The following LHFPL6 variants were observed in gnomAD, a reference collection of about 807,000 sequenced individuals.
LHFPL6 encodes the protein LHFPL tetraspan subfamily member 6.
Under a neutral mutation model 20.6 loss-of-function variants are expected in LHFPL6, and 9 were observed. The ratio of observed to expected loss-of-function variants is 0.44; its 90% CI spans 0.26 to 0.76. The LOEUF (loss-of-function observed/expected upper bound fraction) is 0.76. Among genes scored for constraint, LHFPL6 ranks in the 30% least tolerant of loss-of-function variants. The pLI, the probability that LHFPL6 is intolerant of heterozygous loss-of-function variation, is 0.20. For missense variants in LHFPL6, 218 were observed against 253.5 expected (o/e 0.86, Z 0.95); for synonymous variants, 105 against 98.7 (o/e 1.06, Z -0.38).
At position 39,427,346 on chromosome 13, in the gene LHFPL6, C is replaced by T. The variant is rs145769472; in HGVS notation, c.386-48820G>A. Among the ~76,000 whole-genome samples, 909 of 152,262 alleles carry T rather than the reference C, an allele frequency of 6.0e-3. 12 individuals are homozygous for T. Among genetic ancestry groups the T allele is most frequent in the African/African-American group, 0.021 (865 of 41,542 alleles). Reference sequence around the variant, plus strand: ...ATGAAAGATAGAGAGGACATCTGGCCTTGTTCCTGATCATTGGAGAAAACA... The same window carrying T: ...ATGAAAGATAGAGAGGACATCTGGCTTTGTTCCTGATCATTGGAGAAAACA... On this transcript the variant is annotated intron_variant, in intron 2 of 3. Coordinates refer to ENST00000379589, the MANE Select transcript of LHFPL6 (RefSeq NM_005780.3).
chr13:39,489,556 T>C (rs1209177178), intron 2 of LHFPL6, among the ~76,000 whole-genome samples: 1 of 151,350 alleles, frequency 6.6e-6, no homozygotes, highest in Non-Finnish European at 1.5e-5. Flanking sequence ...TGTGGCTTTT[T>C]TTTTGGAGGG....
chr13:39,567,421 C>T (rs1303725939), intron 2 of LHFPL6, among the ~76,000 whole-genome samples: 2 of 152,130 alleles, frequency 1.3e-5, no homozygotes, highest in African/African-American at 2.4e-5. Flanking sequence ...AAAATGAGCA[C>T]AAAATCAAAT....
intron 3 of LHFPL6, among the ~76,000 whole-genome samples, chr13:39,369,695 A>G (rs1360657021): frequency 2.7e-5 from 4 of 150,566 alleles, no homozygotes; most frequent in Non-Finnish European, 5.9e-5. Context: ...ATGGCATGCC[A>G]GTAAGAATTA....
chr13:39,539,662 C>T (rs978260824), intron 2 of LHFPL6, among the ~76,000 whole-genome samples: 1 of 152,214 alleles, frequency 6.6e-6, no homozygotes, highest in African/African-American at 2.4e-5. Context: ...AGGTCAGTAT[C>T]TCTTACCAAG....
chr13:39,581,692 A>C (rs1027223087), intron 2 of LHFPL6, among the ~76,000 whole-genome samples: 3 of 149,420 alleles, frequency 2.0e-5, no homozygotes, highest in Admixed American at 6.7e-5. Flanking sequence ...TCCTACTTTG[A>C]TTTTTATTGC....
chr13:39,592,334 C>T (rs1160650618), intron 2 of LHFPL6, among the ~76,000 whole-genome samples: 1 of 152,156 alleles, frequency 6.6e-6, no homozygotes, highest in Admixed American at 6.5e-5. Context: ...TCAGAGAATA[C>T]TGTAAACACC....
intron 2 of LHFPL6, among the ~76,000 whole-genome samples, chr13:39,534,075 C>A (rs949821543): frequency 2.6e-5 from 4 of 152,006 alleles, no homozygotes; most frequent in African/African-American, 9.7e-5. Flanking sequence ...ATCTATAACA[C>A]CAAAGAAATG....
chr13:39,482,801 T>C (rs1479397785), intron 2 of LHFPL6, among the ~76,000 whole-genome samples: 1 of 152,074 alleles, frequency 6.6e-6, no homozygotes, highest in African/African-American at 2.4e-5. Flanking sequence ...CAAGAATAGT[T>C]GGAAGGGAAG....
chr13:39,508,890 T>C (rs889142660), intron 2 of LHFPL6, among the ~76,000 whole-genome samples: 2 of 152,192 alleles, frequency 1.3e-5, no homozygotes, highest in Admixed American at 6.5e-5. Flanking sequence ...ATACAGTATA[T>C]ATGTATTTAA....
chr13:39,573,743 G>T (rs1330653407), intron 2 of LHFPL6, among the ~76,000 whole-genome samples: 1 of 151,826 alleles, frequency 6.6e-6, no homozygotes, highest in Non-Finnish European at 1.5e-5. Context: ...AAATAATATT[G>T]CATCTAGTAA....
intron 3 of LHFPL6, among the ~76,000 whole-genome samples, chr13:39,375,199 G>A (rs559474063): frequency 6.6e-6 from 1 of 152,290 alleles, no homozygotes; most frequent in South Asian, 2.1e-4. Flanking sequence ...TGTGGCAGAG[G>A]CAAGCAGCAT....
intron 2 of LHFPL6, among the ~76,000 whole-genome samples, chr13:39,445,731 C>G (rs184398869): frequency 1.6e-3 from 238 of 152,250 alleles, no homozygotes; most frequent in Admixed American, 2.6e-3. Flanking sequence ...AGTGGTACAT[C>G]AGAATAAACT....
At chr13:39,556,138 G>GT (rs1387301160) in intron 2 of LHFPL6, among the ~76,000 whole-genome samples, 1 of 152,168 alleles carries the variant, frequency 6.6e-6, no homozygotes, top group Non-Finnish European at 1.5e-5. Context: ...CAGCAGAACC[G>GT]TGAGTCAATA....
intron 2 of LHFPL6, among the ~76,000 whole-genome samples, chr13:39,502,995 C>A (rs1419389138): frequency 6.6e-6 from 1 of 152,134 alleles, no homozygotes; most frequent in Non-Finnish European, 1.5e-5. Flanking sequence ...TGGGTTCAAG[C>A]AGTCCTCCCA....
intron 2 of LHFPL6, among the ~76,000 whole-genome samples, chr13:39,425,256 C>A (rs1871608512): frequency 6.6e-6 from 1 of 152,154 alleles, no homozygotes; most frequent in Non-Finnish European, 1.5e-5. Flanking sequence ...ATAGTTCATT[C>A]ATCTTTATTG....
intron 2 of LHFPL6, among the ~76,000 whole-genome samples, chr13:39,420,653 T>C (rs1176636204): frequency 6.6e-6 from 1 of 152,180 alleles, no homozygotes; most frequent in East Asian, 1.9e-4. Flanking sequence ...TGGTCAAAAG[T>C]TAGAAAACTT....
intron 2 of LHFPL6, among the ~76,000 whole-genome samples, chr13:39,511,537 A>G (rs1449065188): frequency 6.6e-6 from 1 of 152,106 alleles, no homozygotes. Flanking sequence ...GCAGTAAACA[A>G]AGGATTCAAC....
At chr13:39,387,901 C>T (rs1417478964) in intron 2 of LHFPL6, among the ~76,000 whole-genome samples, 1 of 152,178 alleles carries the variant, frequency 6.6e-6, no homozygotes, top group Non-Finnish European at 1.5e-5. Flanking sequence ...CCCACTGCTG[C>T]CTGTGACTAA....
intron 2 of LHFPL6, among the ~76,000 whole-genome samples, chr13:39,568,316 G>C (rs1196858914): frequency 6.6e-6 from 1 of 151,650 alleles, no homozygotes; most frequent in Non-Finnish European, 1.5e-5. Flanking sequence ...ATAAACTTAA[G>C]CAGGAAAAAC....
Sources: allele counts gnomAD v4.1 joint callset (sites outside exome capture counted in the v4.1 genomes callset), GRCh38; gene constraint gnomAD v4.1.1; transcripts MANE v1.5; gene names NCBI Gene and HGNC (gene_info 2026-07-23, HGNC 2026-07-21).